The following NALCN variants were observed in gnomAD, a reference collection of about 807,000 sequenced individuals.
The protein encoded by NALCN is sodium leak channel, non-selective, also known as sodium leak channel NALCN.
NALCN carries 111 observed loss-of-function variants against 225.3 expected under a neutral mutation model. That is an observed-to-expected ratio of 0.49 (90% CI 0.42 to 0.58). The LOEUF (loss-of-function observed/expected upper bound fraction) is 0.58, where lower values mean the gene tolerates loss of function less well. Among genes scored for constraint, NALCN ranks in the 20% least tolerant of loss-of-function variants. NALCN has a pLI of 0.00. For synonymous variants in NALCN, 764 were observed against 769.0 expected (o/e 0.99, Z 0.11); for missense variants, 1,378 against 2,202.4 (o/e 0.63, Z 7.49).
chr13:101,174,551 A>G (rs1408093321), intron 15 of NALCN, among the ~76,000 whole-genome samples: 1 of 152,212 alleles, frequency 6.6e-6, no homozygotes, highest in Non-Finnish European at 1.5e-5. Flanking sequence ...CACTAGATAT[A>G]AAGATGACAA....
chr13:101,407,610 CCT>C (rs772860602), intron 1 of NALCN, among the ~76,000 whole-genome samples: 12 of 152,170 alleles, frequency 7.9e-5, no homozygotes, highest in Non-Finnish European at 4.4e-5. Context: ...GCATTTGACA[CCT>C]CTCTGAAGTA....
At chr13:101,374,950 G>A (rs776297107) in intron 6 of NALCN, among the ~76,000 whole-genome samples, 28 of 152,154 alleles carry the variant, frequency 1.8e-4, no homozygotes, top group Non-Finnish European at 3.4e-4. Flanking sequence ...ATTTATTTCT[G>A]TGAGAGACTA....
intron 13 of NALCN, among the ~76,000 whole-genome samples, chr13:101,226,135 C>T (rs2041132316): frequency 1.3e-5 from 2 of 152,026 alleles, no homozygotes; most frequent in African/African-American, 2.4e-5. Context: ...TAAAAAAACA[C>T]CCAAATCAAG....
At chr13:101,122,756 A>ACT (rs1401806098) in intron 18 of NALCN, among the ~76,000 whole-genome samples, 1 of 152,226 alleles carries the variant, frequency 6.6e-6, no homozygotes, top group Admixed American at 6.5e-5. Context: ...TCTGTCAGAA[A>ACT]AAGTCTGGCT....
chr13:101,354,633 T>C (rs1434733654), intron 6 of NALCN, among the ~76,000 whole-genome samples: 1 of 152,240 alleles, frequency 6.6e-6, no homozygotes, highest in Non-Finnish European at 1.5e-5. Context: ...CCAATTAACT[T>C]TGGCAAGGAG....
chr13:101,181,196 G>A (rs369251461), intron 14 of NALCN: 23 of 518,762 alleles, frequency 4.4e-5, no homozygotes, highest in African/African-American at 9.6e-5. Context: ...TGTGAGGAAC[G>A]CATTCCAGGT....
chr13:101,316,900 G>C lies in NALCN; in HGVS notation c.800-24534C>G, dbSNP rs577748478. ...GGTGCAGATAATTAAGTACTTTCAT[G>C]ATGCTAAATATAATGTATTTGATGT... On this transcript the variant is annotated intron_variant, in intron 7 of 43. Transcript: ENST00000251127. 2.0e-5 allele frequency among the ~76,000 whole-genome samples: 3 copies of C among 152,246 alleles called. No homozygotes were observed. In the East Asian group the frequency reaches 5.8e-4, roughly 29 times the overall value.
At chr13:101,353,889 G>A (rs1260724190) in intron 6 of NALCN, among the ~76,000 whole-genome samples, 2 of 152,162 alleles carry the variant, frequency 1.3e-5, no homozygotes, top group African/African-American at 4.8e-5. Context: ...TAGTTATCTT[G>A]TTATATCTGA....
At chr13:101,070,723 C>T (rs1011833266) in intron 37 of NALCN, among the ~76,000 whole-genome samples, 1 of 152,130 alleles carries the variant, frequency 6.6e-6, no homozygotes, top group African/African-American at 2.4e-5. Flanking sequence ...CTGCAAACAG[C>T]TATTCTGTCA....
intron 15 of NALCN, among the ~76,000 whole-genome samples, chr13:101,168,407 C>G (rs569037835): frequency 6.6e-6 from 1 of 152,078 alleles, no homozygotes; most frequent in Non-Finnish European, 1.5e-5. Context: ...AACTTCTTCC[C>G]CCGAAAAAAA....
At chr13:101,058,229 G>C (rs1219614226) in intron 42 of NALCN, 173 bp from the exon 43 acceptor site, 2 of 594,208 alleles carry the variant, frequency 3.4e-6, no homozygotes, top group Non-Finnish European at 5.9e-6. Flanking sequence ...AGAAGAAAAA[G>C]AGCCACCACT....
chr13:101,149,434 G>A (rs553743299), intron 15 of NALCN, among the ~76,000 whole-genome samples: 255 of 152,188 alleles, frequency 1.7e-3, no homozygotes, highest in African/African-American at 5.7e-3. Flanking sequence ...GGTTTCACCC[G>A]CATTCTAATT....
At chr13:101,151,625 CTT>C (rs1276936034) in intron 15 of NALCN, among the ~76,000 whole-genome samples, 1 of 152,200 alleles carries the variant, frequency 6.6e-6, no homozygotes, top group Admixed American at 6.5e-5. Flanking sequence ...GCTGAAGTCT[CTT>C]TGCTTCTTTA....
intron 12 of NALCN, among the ~76,000 whole-genome samples, chr13:101,230,967 A>G (rs2041323127): frequency 6.6e-6 from 1 of 152,196 alleles, no homozygotes; most frequent in Non-Finnish European, 1.5e-5. Flanking sequence ...ATGTTTAGAT[A>G]TACAAATACT....
At position 101,107,773 on chromosome 13, in the gene NALCN, C is replaced by T; in HGVS notation, c.2381G>A (p.Arg794Lys). 6.2e-7 allele frequency: 1 copy of T among 1,613,444 alleles called. No homozygotes were observed. Among genetic ancestry groups the T allele is most frequent in the Non-Finnish European group, 8.5e-7 (1 of 1,179,822 alleles). The change falls in exon 21 of 44, where the codon AGA becomes AAA. Residue 794 changes from arginine to lysine, a missense_variant. Physicochemically the swap from Arg to Lys is conservative, Grantham distance 26. Coordinates refer to ENST00000251127, the MANE Select transcript of NALCN (RefSeq NM_052867.4). ...GTCTTCTCTTTGTGCATTTCTATAT[C>T]TCACTGTATTGGAATGCTAGAAATA... ...TLTQDHSNTV[R>K]YRNAQREDSE... is the part of the protein sequence containing the mutation.
chr13:101,259,777 T>TC (rs567606292), intron 10 of NALCN, among the ~76,000 whole-genome samples: 1 of 16,984 alleles, frequency 5.9e-5, no homozygotes. Flanking sequence ...TATATATATA[T>TC]ACACATATAT....
Position 101,054,603 on chromosome 13 carries a change from A to G in NALCN, c.*692T>C, listed in dbSNP as rs1369236650. ...ACAGGTTTGTTTTAAACCGCTAAGCATCCTGAGTCCATTTCTTTGCCTGGT... is the reference window on the plus strand; with the variant it reads ...ACAGGTTTGTTTTAAACCGCTAAGCGTCCTGAGTCCATTTCTTTGCCTGGT... On this transcript the variant is annotated 3_prime_UTR_variant, in exon 44 of 44. Transcript: ENST00000251127. 1 of 152,246 alleles carries G rather than the reference A, an allele frequency of 6.6e-6. No individual in the cohort carries two copies. Among genetic ancestry groups the G allele is most frequent in the African/African-American group, 2.4e-5 (1 of 41,472 alleles). The allele number at this position is 152,246 out of a possible 1,614,324, so 9.4% of individuals were successfully genotyped here.
chr13:101,143,850 A>G (rs989306746), intron 16 of NALCN, among the ~76,000 whole-genome samples: 12 of 152,178 alleles, frequency 7.9e-5, no homozygotes, highest in African/African-American at 2.7e-4. Context: ...CTAAATGTCC[A>G]TTTATCATAA....
At chr13:101,200,314 C>T (rs1191070374) in intron 13 of NALCN, among the ~76,000 whole-genome samples, 3 of 152,164 alleles carry the variant, frequency 2.0e-5, no homozygotes, top group African/African-American at 7.2e-5. Context: ...TGGTTCATCT[C>T]ATTTCCTCAC....
Sources: gnomAD v4.1 joint callset for allele counts (sites outside exome capture counted in the v4.1 genomes callset) on GRCh38, gnomAD v4.1.1 for gene constraint, MANE v1.5 for transcripts, NCBI Gene and HGNC (gene_info 2026-07-23, HGNC 2026-07-21) for gene names.